The following MACROD2 variants were observed in gnomAD, a reference collection of about 807,000 sequenced individuals.
MACROD2 encodes ADP-ribose glycohydrolase MACROD2.
In MACROD2, 36 loss-of-function variants were observed where a neutral mutation model predicts 70.4. That is an observed-to-expected ratio of 0.51 (90% CI 0.39 to 0.68). The LOEUF (loss-of-function observed/expected upper bound fraction) is 0.68. MACROD2 is among the 30% of genes least tolerant of loss of function. The pLI is 0.00. For synonymous variants in MACROD2, 172 were observed against 178.8 expected, an observed-to-expected ratio of 0.96 and a Z score of 0.30; for missense variants, 496 against 538.4, an observed-to-expected ratio of 0.92 and a Z score of 0.78.
intron 12 of MACROD2, among the ~76,000 whole-genome samples, chr20:15,956,885 G>GA (rs2065984751): frequency 6.6e-6 from 1 of 152,068 alleles, no homozygotes; most frequent in Non-Finnish European, 1.5e-5. Flanking sequence ...GTTTGAAAAA[G>GA]AAAAAAATAC....
At chr20:14,055,826 C>A (rs1335913800) in intron 2 of MACROD2, among the ~76,000 whole-genome samples, 2 of 150,874 alleles carry the variant, frequency 1.3e-5, no homozygotes, top group African/African-American at 4.9e-5. Flanking sequence ...TGTTTGTGTT[C>A]TATAACTTCT....
intron 1 of MACROD2, among the ~76,000 whole-genome samples, chr20:13,998,814 T>G (rs985835827): frequency 2.0e-5 from 3 of 151,666 alleles, no homozygotes; most frequent in Non-Finnish European, 4.4e-5. Flanking sequence ...AATTAGCCGG[T>G]CGTGGTGGCA....
At chr20:14,795,218 T>C (rs1180622591) in intron 5 of MACROD2, among the ~76,000 whole-genome samples, 3 of 152,110 alleles carry the variant, frequency 2.0e-5, no homozygotes, top group Non-Finnish European at 4.4e-5. Flanking sequence ...ATGTTTTAAA[T>C]CTGGGAGTCA....
At chr20:15,459,280 T>G (rs1220330750) in intron 7 of MACROD2, among the ~76,000 whole-genome samples, 1 of 152,082 alleles carries the variant, frequency 6.6e-6, no homozygotes, top group Admixed American at 6.6e-5. Context: ...CGCCCAAGTC[T>G]CTCCTATCTC....
intron 5 of MACROD2, among the ~76,000 whole-genome samples, chr20:14,972,262 G>A (rs576974534): frequency 1.9e-4 from 29 of 152,174 alleles, no homozygotes; most frequent in African/African-American, 7.0e-4. Context: ...GTGGAGAAAG[G>A]CTTCTCTTGA....
chr20:14,055,918 A>G (rs887586250), intron 2 of MACROD2, among the ~76,000 whole-genome samples: 3 of 152,022 alleles, frequency 2.0e-5, no homozygotes, highest in African/African-American at 7.2e-5. Flanking sequence ...TCCTCATTGG[A>G]TATATATTTG....
At chr20:15,305,780 C>A (rs536246398) in intron 6 of MACROD2, among the ~76,000 whole-genome samples, 8 of 151,988 alleles carry the variant, frequency 5.3e-5, no homozygotes, top group African/African-American at 1.4e-4. Context: ...AACTATAGAC[C>A]GTAACATATA....
chr20:14,034,240 C>T (rs531157015), intron 2 of MACROD2, among the ~76,000 whole-genome samples: 103 of 152,318 alleles, frequency 6.8e-4, no homozygotes, highest in Middle Eastern at 3.4e-3. Context: ...TCCCAAAGTG[C>T]TGGGATTACA....
At chr20:15,172,267 A>C (rs912905982) in intron 5 of MACROD2, among the ~76,000 whole-genome samples, 3 of 152,186 alleles carry the variant, frequency 2.0e-5, no homozygotes, top group African/African-American at 7.2e-5. Context: ...GGAAAAAAAA[A>C]TGGAGGTTGG....
At chr20:14,216,448 A>G (rs925386163) in intron 3 of MACROD2, among the ~76,000 whole-genome samples, 1 of 152,100 alleles carries the variant, frequency 6.6e-6, no homozygotes, top group Non-Finnish European at 1.5e-5. Context: ...TGATGCCTTC[A>G]GATTTGTTCT....
chr20:15,572,907 A>G (rs1340648489), intron 8 of MACROD2, among the ~76,000 whole-genome samples: 1 of 152,168 alleles, frequency 6.6e-6, no homozygotes, highest in Non-Finnish European at 1.5e-5. Context: ...CTACAGAAAA[A>G]TTCAAATTAT....
At chr20:15,234,159 G>A (rs1357446846) in intron 6 of MACROD2, among the ~76,000 whole-genome samples, 1 of 140,308 alleles carries the variant, frequency 7.1e-6, no homozygotes, top group Non-Finnish European at 1.5e-5. Flanking sequence ...AGCCTCCCGA[G>A]TAGCTGGGAC....
At chr20:14,595,414 C>G (rs1399685003) in intron 4 of MACROD2, among the ~76,000 whole-genome samples, 1 of 152,204 alleles carries the variant, frequency 6.6e-6, no homozygotes, top group Non-Finnish European at 1.5e-5. Context: ...CCGCTGCAAA[C>G]AACGCGAACT....
chr20:15,173,913 C>T (rs1273032421), intron 5 of MACROD2, among the ~76,000 whole-genome samples: 1 of 152,148 alleles, frequency 6.6e-6, no homozygotes, highest in Non-Finnish European at 1.5e-5. Flanking sequence ...CTACATGTCT[C>T]CTGAAGCATA....
chr20:14,301,589 G>A (rs2122489144), intron 3 of MACROD2, among the ~76,000 whole-genome samples: 1 of 152,286 alleles, frequency 6.6e-6, no homozygotes, highest in Admixed American at 6.5e-5. Context: ...GAAATGAATG[G>A]TGAATAGTTG....
intron 5 of MACROD2, among the ~76,000 whole-genome samples, chr20:14,957,648 C>A (rs2074548751): frequency 6.6e-6 from 1 of 152,106 alleles, no homozygotes; most frequent in East Asian, 1.9e-4. Flanking sequence ...GATGTCTGAC[C>A]CAGGCTGGAA....
At chr20:14,794,841 A>G (rs1044340965) in intron 5 of MACROD2, among the ~76,000 whole-genome samples, 2 of 152,110 alleles carry the variant, frequency 1.3e-5, no homozygotes, top group African/African-American at 4.8e-5. Flanking sequence ...AAAAACAGCA[A>G]TTAAACACAG....
intron 3 of MACROD2, among the ~76,000 whole-genome samples, chr20:14,101,191 A>G (rs781772387): frequency 5.9e-5 from 9 of 151,934 alleles, no homozygotes; most frequent in Non-Finnish European, 8.8e-5. Context: ...TCCATTGGCT[A>G]CCACATGGCA....
At chr20:15,825,392 T>C (rs994187626) in intron 8 of MACROD2, among the ~76,000 whole-genome samples, 5 of 152,204 alleles carry the variant, frequency 3.3e-5, no homozygotes, top group African/African-American at 1.2e-4. Context: ...AGGCTGAAGC[T>C]GATCTCCCAG....
Sources: gnomAD v4.1 joint callset for allele counts (sites outside exome capture counted in the v4.1 genomes callset) on GRCh38, gnomAD v4.1.1 for gene constraint, MANE v1.5 for transcripts, NCBI Gene and HGNC (gene_info 2026-07-23, HGNC 2026-07-21) for gene names.